PDE10A: variants seen among roughly 807,000 people sequenced by gnomAD.
PDE10A encodes cAMP and cAMP-inhibited cGMP 3',5'-cyclic phosphodiesterase 10A.
A neutral mutation model predicts 97.7 loss-of-function variants in PDE10A; 39 were observed. The observed-to-expected ratio is 0.40, with a 90% CI of 0.31 to 0.52. PDE10A has a LOEUF of 0.52. PDE10A is among the 20% of genes least tolerant of loss of function. PDE10A has a pLI of 0.56. For synonymous variants in PDE10A, 371 were observed against 376.8 expected, an observed-to-expected ratio of 0.98 and a Z score of 0.18; for missense variants, 731 against 1,047.8, an observed-to-expected ratio of 0.70 and a Z score of 4.17.
intron 18 of PDE10A, among the ~76,000 whole-genome samples, chr6:165,371,697 A>C (rs1205988361): frequency 6.6e-6 from 1 of 152,078 alleles, no homozygotes; most frequent in Non-Finnish European, 1.5e-5. Context: ...AATCAATAGA[A>C]AAAGAGGGAA....
At chr6:165,714,624 G>A (rs948579598) in intron 1 of PDE10A, among the ~76,000 whole-genome samples, 4 of 152,222 alleles carry the variant, frequency 2.6e-5, no homozygotes, top group African/African-American at 7.2e-5. Flanking sequence ...CCATCCACAG[G>A]GGTGTCCCAG....
intron 1 of PDE10A, among the ~76,000 whole-genome samples, chr6:165,956,225 G>A (rs1182554944): frequency 6.6e-6 from 1 of 152,270 alleles, no homozygotes; most frequent in East Asian, 1.9e-4. Flanking sequence ...CTAGAGCCTG[G>A]AGAGCAGGGT....
intron 3 of PDE10A, among the ~76,000 whole-genome samples, chr6:165,481,693 A>G (rs1402683753): frequency 6.6e-6 from 1 of 152,176 alleles, no homozygotes; most frequent in African/African-American, 2.4e-5. Flanking sequence ...CCAGTATACT[A>G]AATGCTTTCA....
intron 1 of PDE10A, among the ~76,000 whole-genome samples, chr6:165,751,108 G>A (rs938565767): frequency 9.2e-5 from 14 of 152,152 alleles, no homozygotes; most frequent in Admixed American, 3.3e-4. Flanking sequence ...AGTGGGTGCC[G>A]TCTTCACCTG....
At chr6:165,574,929 T>C (rs531450904) in intron 1 of PDE10A, among the ~76,000 whole-genome samples, 1 of 152,194 alleles carries the variant, frequency 6.6e-6, no homozygotes, top group East Asian at 1.9e-4. Flanking sequence ...TTATAAACCA[T>C]GAATAAGTAG....
At chr6:165,667,919 T>A (rs932692460), upstream of PDE10A, among the ~76,000 whole-genome samples, 20 of 152,214 alleles carry the variant, frequency 1.3e-4, no homozygotes, top group Non-Finnish European at 1.8e-4. Context: ...TTCAAAGATG[T>A]TGCCATTAAA....
intron 1 of PDE10A, among the ~76,000 whole-genome samples, chr6:165,784,369 G>A (rs775092267): frequency 1.8e-4 from 28 of 152,108 alleles, no homozygotes; most frequent in Admixed American, 4.6e-4. Flanking sequence ...TCCTTTCCAC[G>A]TTTCTGAGTA....
At chr6:165,394,974 G>C (rs190132640) in intron 15 of PDE10A, among the ~76,000 whole-genome samples, 6 of 152,232 alleles carry the variant, frequency 3.9e-5, no homozygotes, top group African/African-American at 1.4e-4. Context: ...CATGTTGCTA[G>C]AGCCCCTACA....
intron 1 of PDE10A, among the ~76,000 whole-genome samples, chr6:165,954,193 A>G (rs1265761661): frequency 6.6e-6 from 1 of 152,230 alleles, no homozygotes; most frequent in African/African-American, 2.4e-5. Flanking sequence ...GGGCAATTAT[A>G]AATAAAGCTG....
chr6:165,584,622 T>C (rs1235262246), intron 1 of PDE10A, among the ~76,000 whole-genome samples: 2 of 152,186 alleles, frequency 1.3e-5, no homozygotes, highest in African/African-American at 4.8e-5. Context: ...GTTTGGCCCC[T>C]TGTCCTAATC....
intron 1 of PDE10A, among the ~76,000 whole-genome samples, chr6:165,725,774 C>T (rs1470276887): frequency 2.6e-5 from 4 of 152,182 alleles, no homozygotes; most frequent in African/African-American, 9.6e-5. Flanking sequence ...CCCCATGCTC[C>T]TGTTTCTACC....
intron 1 of PDE10A, among the ~76,000 whole-genome samples, chr6:165,810,276 A>G (rs1180982488): frequency 6.6e-6 from 1 of 152,192 alleles, no homozygotes; most frequent in Non-Finnish European, 1.5e-5. Context: ...TCATCTTTGA[A>G]GAAAATGTCC....
At chr6:165,582,150 A>G (rs1476596448) in intron 1 of PDE10A, among the ~76,000 whole-genome samples, 1 of 152,216 alleles carries the variant, frequency 6.6e-6, no homozygotes, top group Non-Finnish European at 1.5e-5. Context: ...GCTTTTATGA[A>G]GCTTAAACAA....
chr6:165,881,392 CTTTTTTT>C (rs68159417), intron 1 of PDE10A, among the ~76,000 whole-genome samples: 15 of 107,004 alleles, frequency 1.4e-4, no homozygotes, highest in South Asian at 3.0e-4. Context: ...TTTTTCTTTT[CTTTTTTT>C]TTTTTTTTTT....
intron 1 of PDE10A, among the ~76,000 whole-genome samples, chr6:165,607,894 T>C (rs980887524): frequency 4.8e-4 from 73 of 151,992 alleles, no homozygotes; most frequent in African/African-American, 1.7e-3. Flanking sequence ...TGTCACCCTA[T>C]CACACCCAAG....
chr6:165,890,611 G>C (rs1781765887), intron 1 of PDE10A, among the ~76,000 whole-genome samples: 1 of 152,094 alleles, frequency 6.6e-6, no homozygotes, highest in Non-Finnish European at 1.5e-5. Context: ...CCCCCATTGT[G>C]CCCCTACGTT....
In PDE10A at chr6:165,953,539, C is replaced by T. The variant is rs562409497; in HGVS notation, c.-615+33990G>A. Among the ~76,000 whole-genome samples, 75 of 151,384 alleles carry T rather than the reference C, an allele frequency of 5.0e-4. 1 individual carries two copies. Among genetic ancestry groups the T allele is most frequent in the East Asian group, 1.6e-3 (8 of 5,150 alleles). ...CCAGGAAGCGGAGGTTGCACCAAGACGAGATTGTGCCACTGCACTCCAGCC... is the reference window on the plus strand; with the variant it reads ...CCAGGAAGCGGAGGTTGCACCAAGATGAGATTGTGCCACTGCACTCCAGCC... On this transcript the variant is annotated intron_variant, in intron 1 of 19. Transcript: ENST00000366882.
At chr6:165,576,574 AAC>A in intron 1 of PDE10A, 1 of 680,426 alleles carries the variant, frequency 1.5e-6, no homozygotes, top group South Asian at 1.7e-5. Flanking sequence ...TCAAATAACT[AAC>A]AGATAATTCT....
chr6:165,628,872 C>T (rs988938045), intron 1 of PDE10A, among the ~76,000 whole-genome samples: 5 of 151,890 alleles, frequency 3.3e-5, no homozygotes, highest in African/African-American at 7.3e-5. Flanking sequence ...AATTATAATG[C>T]CTGAATATTT....
Sources: allele counts gnomAD v4.1 joint callset (sites outside exome capture counted in the v4.1 genomes callset), GRCh38; gene constraint gnomAD v4.1.1; transcripts MANE v1.5; gene names NCBI Gene and HGNC (gene_info 2026-07-23, HGNC 2026-07-21).